QARS1: variants seen among roughly 807,000 people sequenced by gnomAD.
The protein encoded by QARS1 is glutaminyl-tRNA synthetase 1.
A neutral mutation model predicts 106.9 loss-of-function variants in QARS1; 79 were observed. The ratio of observed to expected loss-of-function variants is 0.74; its 90% CI spans 0.62 to 0.89. The LOEUF (loss-of-function observed/expected upper bound fraction) is 0.89. Ranked by LOEUF, QARS1 falls within the 40% of genes least tolerant of loss-of-function variation. The pLI is 0.00. For missense variants in QARS1, 966 were observed against 997.2 expected (o/e 0.97, Z 0.42); for synonymous variants, 395 against 367.7 (o/e 1.07, Z -0.85).
intron 7 of QARS1, 31 bp from the exon 8 acceptor site, chr3:49,101,930 C>T (rs1328990722): frequency 1.9e-6 from 3 of 1,587,266 alleles, no homozygotes; most frequent in Admixed American, 3.6e-5. Context: ...AAAACTTGTC[C>T]TCTAGATACA....
chr3:49,100,382 G>A lies in QARS1; in HGVS notation c.1053C>T (p.Arg351=), dbSNP rs760849974. The A allele has an allele frequency of 6.8e-6, 11 of 1,614,242 alleles. No individual in the cohort carries two copies. Among genetic ancestry groups the A allele is most frequent in the South Asian group, 2.2e-5 (2 of 91,090 alleles). The change falls in exon 12 of 24, where the codon CGC becomes CGT. Residue 351 remains arginine (R), a splice_region_variant and synonymous_variant. Coordinates refer to ENST00000306125, the MANE Select transcript of QARS1 (RefSeq NM_005051.3). The part of the protein sequence containing the change: ...QLYAWAVELI[R]RGLAYVCHQR... ...CTACGTCATGGCCCTGGCCTTACCTGCGGATGAGCTCCACAGCCCACGCAT... is the reference window on the plus strand; with the variant it reads ...CTACGTCATGGCCCTGGCCTTACCTACGGATGAGCTCCACAGCCCACGCAT...
intron 6 of QARS1, 48 bp downstream of exon 6, chr3:49,102,371 C>T: frequency 1.2e-6 from 2 of 1,612,768 alleles, no homozygotes; most frequent in Admixed American, 3.3e-5. Context: ...TGAAGTCTCA[C>T]CATACCTCAC....
Position 49,100,003 on chromosome 3 carries a change from TAGGCTA to T in QARS1, c.1247_1252del (p.Val416_Tyr418delinsAsp). 1.9e-6 allele frequency: 3 copies of T among 1,614,218 alleles called. No individual in the cohort carries two copies. Among genetic ancestry groups the T allele is most frequent in the Non-Finnish European group, 2.5e-6 (3 of 1,180,046 alleles). ...GTGGTGTGGTGTATACTTGACTCGA[TAGGCTA>T]CAGGGTCCATCTTGCCATCCTCCAT... On this transcript the variant is annotated inframe_deletion, in exon 14 of 24. Transcript: ENST00000306125.
intron 23 of QARS1, 78 bp downstream of exon 23, chr3:49,097,914 G>A (rs1006877888): frequency 6.4e-7 from 1 of 1,571,574 alleles, no homozygotes; most frequent in Non-Finnish European, 8.7e-7. Context: ...CTAAGGGAAT[G>A]TATGCAGAGC....
chr3:49,098,850 A>G, intron 19 of QARS1, 35 bp downstream of exon 19: 2 of 1,566,442 alleles, frequency 1.3e-6, no homozygotes, highest in Non-Finnish European at 1.8e-6. Flanking sequence ...TACCAGACTC[A>G]GCAGCAAACG....
intron 2 of QARS1, 47 bp downstream of exon 2, chr3:49,104,277 T>G: frequency 6.2e-7 from 1 of 1,608,414 alleles, no homozygotes; most frequent in Non-Finnish European, 8.5e-7. Context: ...GGGTCTTGGC[T>G]GAAGGGAGGC....
In QARS1 at chr3:49,099,416, T is replaced by C. The variant is rs370232570; in HGVS notation, c.1542A>G (p.Pro514=). 185 of 1,614,118 alleles carry C rather than the reference T, an allele frequency of 1.1e-4. 2 individuals are homozygous for C. In the Middle Eastern group the frequency reaches 1.3e-3, roughly 12 times the overall value. The change falls in exon 17 of 24, where the codon CCA becomes CCG. Residue 514 remains proline, a synonymous_variant. Transcript: ENST00000306125. ...GCAGGGCCGTGAGTGTAAAGAGCCGTGGGTCATCCCAGTCCCTGTGGATAA... is the reference window on the plus strand; with the variant it reads ...GCAGGGCCGTGAGTGTAAAGAGCCGCGGGTCATCCCAGTCCCTGTGGATAA... ...ATGAVRDWDD[P]RLFTLTALRR...
Position 49,100,683 on chromosome 3 carries a change from G to T in QARS1, c.877-9C>A, listed in dbSNP as rs1312783897. On this transcript the variant is annotated splice_polypyrimidine_tract_variant and intron_variant, in intron 10 of 23. Coordinates refer to ENST00000306125, the MANE Select transcript of QARS1 (RefSeq NM_005051.3). ...CAGATGCCATTGTTGGCCTAGGAAA[G>T]TTGCACCATCTGTGAACTCCCACAT... The T allele has an allele frequency of 1.3e-6, 2 of 1,563,804 alleles. No homozygotes were observed. The highest frequency in any genetic ancestry group is 1.7e-5 in the Admixed American group (1 of 59,942).
Position 49,098,102 on chromosome 3 carries a change from C to A in QARS1, c.2167G>T (p.Val723Leu). The change falls in exon 23 of 24, where the codon GTG becomes TTG. Residue 723 changes from valine (V) to leucine (L), a missense_variant. Transcript: ENST00000306125. Reference protein sequence around the residue: ...SDLNLASLHVVDAALVDCSVA... With the variant: ...SDLNLASLHVLDAALVDCSVA... ...GAGCAGTCCACTAATGCTGCATCCA[C>A]CACGTGTAGTGATGCCTGCAGGCAG... 1 of 1,614,188 alleles carries A rather than the reference C, an allele frequency of 6.2e-7. No individual in the cohort carries two copies. The highest frequency in any genetic ancestry group is 8.5e-7 in the Non-Finnish European group (1 of 1,180,040).
intron 5 of QARS1, 101 bp downstream of exon 5, chr3:49,103,244 C>A: frequency 1.6e-6 from 2 of 1,275,998 alleles, no homozygotes; most frequent in Non-Finnish European, 2.3e-6. Context: ...AAGCGTGAGC[C>A]ACCATGCCCA....
intron 1 of QARS1, 21 bp from the exon 2 acceptor site, chr3:49,104,492 A>G: frequency 1.9e-6 from 3 of 1,613,124 alleles, no homozygotes; most frequent in Non-Finnish European, 2.5e-6. Context: ...AGGGGTCAAG[A>G]GAGAAGCCCC....
Position 49,099,971 on chromosome 3 carries a change from C to G in QARS1, c.1285G>C (p.Gly429Arg). 5.6e-6 allele frequency: 9 copies of G among 1,614,156 alleles called. No homozygotes were observed. Among genetic ancestry groups the G allele is most frequent in the Non-Finnish European group, 7.6e-6 (9 of 1,180,014 alleles). Reference protein sequence around the residue: ...RVKYTPHHRTGDKWCIYPTYD... With the variant: ...RVKYTPHHRTRDKWCIYPTYD... ...CCATTCTACACCCACCATTTGTCCC[C>G]TGTGCGGTGGTGTGGTGTATACTTG... Residue 429 changes from glycine (G) to arginine (R), a missense_variant, in exon 14 of 24, where the codon GGG becomes CGG. By Grantham distance (125) the Gly-to-Arg change is moderately radical (BLOSUM62 -2). Coordinates refer to ENST00000306125, the MANE Select transcript of QARS1 (RefSeq NM_005051.3).
At position 49,100,197 on chromosome 3, in the gene QARS1, A is replaced by C; in HGVS notation, c.1157T>G (p.Leu386Arg). ...GCTCCTCTAGGACCCCACCTCAAAG[A>C]GCAGCAGTGACTCCTCCATGGGACG... ...RDRPMEESLL[L>R]FEAMRKGKFS... Residue 386 changes from leucine (L) to arginine (R), a missense_variant, in exon 13 of 24, where the codon CTC (leucine) becomes CGC (arginine). Coordinates refer to ENST00000306125, the MANE Select transcript of QARS1 (RefSeq NM_005051.3). 4 of 1,614,190 alleles carry C rather than the reference A, an allele frequency of 2.5e-6. No homozygotes were observed. Among genetic ancestry groups the C allele is most frequent in the Non-Finnish European group, 3.4e-6 (4 of 1,180,036 alleles).
Position 49,096,014 on chromosome 3 carries a change from T to C in QARS1, c.*15A>G. 6.2e-7 allele frequency: 1 copy of C among 1,613,304 alleles called. No individual in the cohort carries two copies. Among genetic ancestry groups the C allele is most frequent in the African/African-American group, 1.3e-5 (1 of 74,978 alleles). ...ACACCCTCCAGGAGGATGAGGTAGG[T>C]TCAGTGCTTCCAGCTCACACCTTTC... On this transcript the variant is annotated 3_prime_UTR_variant, in exon 24 of 24. Transcript: ENST00000306125.
rs553194272 is a variant in QARS1 at position 49,099,511 on chromosome 3, G to A, written c.1525C>T (p.Arg509Trp). The A allele has an allele frequency of 4.9e-4, 796 of 1,614,160 alleles. 6 individuals carry two copies. In the South Asian group the frequency reaches 8.2e-3, roughly 17 times the overall value. ...CATAAGCCAAACAGCCGCACCTACC[G>A]CACAGCACCAGTTGCTACAAGCTGG... ...ILQLVATGAV[R>W]DWDDPRLFTL... The change falls in exon 16 of 24, where the codon CGG becomes TGG. Residue 509 changes from arginine (R) to tryptophan (W), a missense_variant and splice_region_variant. Transcript: ENST00000306125.
intron 2 of QARS1, 110 bp from the exon 3 acceptor site, chr3:49,104,082 G>C: frequency 8.4e-7 from 1 of 1,190,266 alleles, no homozygotes; most frequent in Non-Finnish European, 1.2e-6. Flanking sequence ...GAAAAGTTAA[G>C]CCCTGGCACC....
chr3:49,100,756 A>C lies in QARS1; in HGVS notation c.877-82T>G, dbSNP rs571823864. On this transcript the variant is annotated intron_variant, in intron 10 of 23. Transcript: ENST00000306125. The stretch of plus-strand genomic sequence containing the variant: ...GTTTATCAAACTAGGATATTCACAG[A>C]GCACTCTCATGTCAGAATTTTCTTT... The C allele has an allele frequency of 9.3e-6, 11 of 1,181,650 alleles. No homozygotes were observed. The South Asian group carries it at 1.3e-4, about 14-fold the overall frequency. 73.2% of individuals were successfully genotyped at this position (1,181,650 alleles called of 1,614,324 possible). A position where few individuals can be genotyped will look rare whatever the true frequency, so the allele number is the denominator to read the frequency against.
At position 49,104,341 on chromosome 3, in the gene QARS1, G is replaced by A. The variant is rs2042510350; in HGVS notation, c.248C>T (p.Thr83Ile). The A allele has an allele frequency of 1.9e-6, 3 of 1,614,098 alleles. No homozygotes were observed. Among genetic ancestry groups the A allele is most frequent in the African/African-American group, 1.3e-5 (1 of 74,950 alleles). ...GGTCTCACCGCTTAGCTGGGGCTCA[G>A]TGTGGATCTTCTTACTGGCTATGTA... Reference protein sequence around the residue: ...VSYIASKKIHTEPQLSAALEY... With the variant: ...VSYIASKKIHIEPQLSAALEY... The change falls in exon 2 of 24, where the codon ACT becomes ATT. Residue 83 changes from threonine to isoleucine, a missense_variant. Thr to Ile is a moderately conservative substitution (Grantham distance 89). Transcript: ENST00000306125.
rs1064797070 is a variant in QARS1 at position 49,099,618 on chromosome 3, G to A, written c.1418C>T (p.Ala473Val). The stretch of plus-strand genomic sequence containing the variant: ...CTGCACAGGGCAATAGACGTCCAGT[G>A]CATTGCAAAGCCAGAAGTAGGAAGA... ...RRSSYFWLCNALDVYCPVQWE... is the reference protein window; with the variant it reads ...RRSSYFWLCNVLDVYCPVQWE... Residue 473 changes from alanine (A) to valine (V), a missense_variant, in exon 16 of 24, where the codon GCA (alanine) becomes GTA (valine). By Grantham distance (64) the Ala-to-Val change is moderately conservative. Coordinates refer to ENST00000306125, the MANE Select transcript of QARS1 (RefSeq NM_005051.3). 2.3e-5 allele frequency: 37 copies of A among 1,614,026 alleles called. No homozygotes were observed. The highest frequency in any genetic ancestry group is 2.9e-5 in the Non-Finnish European group (34 of 1,179,972).
Sources: gnomAD v4.1 joint callset for allele counts on GRCh38, gnomAD v4.1.1 for gene constraint, MANE v1.5 for transcripts, NCBI Gene and HGNC (gene_info 2026-07-23, HGNC 2026-07-21) for gene names.